CTBS: variants seen among roughly 807,000 people sequenced by gnomAD.
The protein encoded by CTBS is chitobiase.
Under a neutral mutation model 44.3 loss-of-function variants are expected in CTBS, and 35 were observed. The ratio of observed to expected loss-of-function variants is 0.79; its 90% CI spans 0.60 to 1.05. The LOEUF is 1.05. Ranked by LOEUF, CTBS falls within the 50% of genes least tolerant of loss-of-function variation. The pLI is 0.00. For missense variants in CTBS, 458 were observed against 475.3 expected (o/e 0.96, Z 0.34); for synonymous variants, 143 against 168.0 (o/e 0.85, Z 1.15).
chr1:84,562,048 A>T (rs529091054), intron 6 of CTBS, among the ~76,000 whole-genome samples: 221 of 152,294 alleles, frequency 1.5e-3, no homozygotes, highest in Non-Finnish European at 2.4e-3. Context: ...ATATCCATGA[A>T]ACAGTTTCTA....
intron 1 of CTBS, chr1:84,574,027 C>T: frequency 1.4e-6 from 2 of 1,411,320 alleles, no homozygotes; most frequent in South Asian, 1.6e-5. Context: ...TACGCAGGCA[C>T]TTACAGGCTG....
intron 4 of CTBS, among the ~76,000 whole-genome samples, chr1:84,564,728 C>G (rs1324985150): frequency 6.6e-6 from 1 of 152,062 alleles, no homozygotes; most frequent in Non-Finnish European, 1.5e-5. Context: ...GTAATTTTAA[C>G]AGAATAAGTT....
chr1:84,562,674 C>T (rs1684617111), intron 6 of CTBS, among the ~76,000 whole-genome samples: 1 of 152,116 alleles, frequency 6.6e-6, no homozygotes. Context: ...ATAGCAATTC[C>T]TATTAAACAC....
chr1:84,550,969 T>C lies in CTBS; in HGVS notation c.*4030A>G, dbSNP rs1428109010. 5 of 983,396 alleles carry C rather than the reference T, an allele frequency of 5.1e-6. No individual in the cohort carries two copies. Among genetic ancestry groups the C allele is most frequent in the African/African-American group, 1.7e-5 (1 of 57,174 alleles). The allele number at this position is 983,396 out of a possible 1,614,324, so 60.9% of individuals were successfully genotyped here. ...ATTTAAATATGAATAATGTGTCTTC[T>C]ACTAGATGTTAAGTTTCCTTCCTGG... On this transcript the variant is annotated 3_prime_UTR_variant, in exon 7 of 7. Coordinates refer to ENST00000370630, the MANE Select transcript of CTBS (RefSeq NM_004388.3).
rs1037185665 is a variant in CTBS at position 84,553,789 on chromosome 1, A to C, written c.*1210T>G. On this transcript the variant is annotated 3_prime_UTR_variant, in exon 7 of 7. Coordinates refer to ENST00000370630, the MANE Select transcript of CTBS (RefSeq NM_004388.3). ...TCCAATTTACAGGGGCAAAATGTGC[A>C]GGGAAGCCAGGATTTATGTAAATCT... 1 of 152,192 alleles carries C rather than the reference A, an allele frequency of 6.6e-6. No individual in the cohort carries two copies. Among genetic ancestry groups the C allele is most frequent in the Admixed American group, 6.5e-5 (1 of 15,272 alleles). The allele number at this position is 152,192 out of a possible 1,614,324, so 9.4% of individuals were successfully genotyped here.
intron 6 of CTBS, among the ~76,000 whole-genome samples, chr1:84,555,448 T>C (rs958457656): frequency 1.7e-4 from 26 of 152,254 alleles, no homozygotes; most frequent in Non-Finnish European, 1.5e-5. Flanking sequence ...ATTTTTAGAC[T>C]TTACGATGGA....
At position 84,551,367 on chromosome 1, in the gene CTBS, ATAAAAATAAATAAAATT is replaced by A. The variant is rs1432266219; in HGVS notation, c.*3615_*3631del. 57 of 756,986 alleles carry A rather than the reference ATAAAAATAAATAAAATT, an allele frequency of 7.5e-5. 1 individual carries two copies. In the Admixed American group the frequency reaches 3.5e-3, roughly 47 times the overall value. 46.9% of individuals were successfully genotyped at this position (756,986 alleles called of 1,614,324 possible). On this transcript the variant is annotated 3_prime_UTR_variant, in exon 7 of 7. Coordinates refer to ENST00000370630, the MANE Select transcript of CTBS (RefSeq NM_004388.3). ...GTACTGTCCTCGGTTTCAGATAAAA[ATAAAAATAAATAAAATT>A]TAAAAATAAAAAAATAGAATTAGCA...
In CTBS at chr1:84,552,879, C is replaced by G. The variant is rs1006102677; in HGVS notation, c.*2120G>C. 4 of 572,626 alleles carry G rather than the reference C, an allele frequency of 7.0e-6. No individual in the cohort carries two copies. The highest frequency in any genetic ancestry group is 1.2e-5 in the Non-Finnish European group (4 of 324,714). The allele number at this position is 572,626 out of a possible 1,614,324, so 35.5% of individuals were successfully genotyped here. ...TATTAAACAGCATTCATAATCTACA[C>G]ATTTACTGTAGTAATCCAGTGGGAG... is the stretch of plus-strand genomic sequence containing the variant. On this transcript the variant is annotated 3_prime_UTR_variant, in exon 7 of 7. Coordinates refer to ENST00000370630, the MANE Select transcript of CTBS (RefSeq NM_004388.3).
At chr1:84,559,572 A>C (rs1684548607) in intron 6 of CTBS, among the ~76,000 whole-genome samples, 1 of 151,942 alleles carries the variant, frequency 6.6e-6, no homozygotes, top group African/African-American at 2.4e-5. Context: ...CAGTGAACTG[A>C]GATTGTGCCA....
intron 6 of CTBS, among the ~76,000 whole-genome samples, chr1:84,559,707 AAT>A (rs1472448474): frequency 6.6e-6 from 1 of 152,196 alleles, no homozygotes; most frequent in Non-Finnish European, 1.5e-5. Flanking sequence ...AGAGGAAGAA[AAT>A]AGTTATAATT....
chr1:84,562,549 CAT>C (rs1461925444), intron 6 of CTBS, among the ~76,000 whole-genome samples: 1 of 152,102 alleles, frequency 6.6e-6, no homozygotes, highest in Non-Finnish European at 1.5e-5. Flanking sequence ...TTTAAAGTAA[CAT>C]AATCTGAAAT....
Position 84,553,234 on chromosome 1 carries a change from T to C in CTBS, c.*1765A>G, listed in dbSNP as rs1684330877. On this transcript the variant is annotated 3_prime_UTR_variant, in exon 7 of 7. Transcript: ENST00000370630. Reference sequence around the variant, plus strand: ...TGTTTTATAAAAAGCACAAGGTTTCTCTTTCTCCACTTTCCATGTGGGTAT... The same window carrying C: ...TGTTTTATAAAAAGCACAAGGTTTCCCTTTCTCCACTTTCCATGTGGGTAT... 2 of 633,798 alleles carry C rather than the reference T, an allele frequency of 3.2e-6. No individual in the cohort carries two copies. The highest frequency in any genetic ancestry group is 3.8e-5 in the Admixed American group (1 of 26,658). 39.3% of individuals were successfully genotyped at this position (633,798 alleles called of 1,614,324 possible).
chr1:84,565,391 G>T (rs1340832720), intron 4 of CTBS, among the ~76,000 whole-genome samples: 4 of 152,066 alleles, frequency 2.6e-5, no homozygotes. Context: ...AGAAGTTAAT[G>T]CCTATCCTAT....
intron 6 of CTBS, among the ~76,000 whole-genome samples, chr1:84,561,512 A>T (rs1684593580): frequency 6.6e-6 from 1 of 152,260 alleles, no homozygotes; most frequent in Admixed American, 6.5e-5. Context: ...ACTTATTAAT[A>T]AAGCAGCAGC....
chr1:84,556,663 G>T (rs1379524426), intron 6 of CTBS, among the ~76,000 whole-genome samples: 3 of 134,958 alleles, frequency 2.2e-5, no homozygotes, highest in African/African-American at 8.7e-5. Context: ...AGTAAGCTGA[G>T]ATCACGCCAC....
chr1:84,554,851 T>C lies in CTBS; in HGVS notation c.*148A>G, dbSNP rs1570462511. 3.1e-6 allele frequency: 2 copies of C among 649,904 alleles called. No homozygotes were observed. The highest frequency in any genetic ancestry group is 5.6e-5 in the East Asian group (2 of 35,604). 40.3% of individuals were successfully genotyped at this position (649,904 alleles called of 1,614,324 possible). ...ATACTGAGGACATTCGTGTGTATTT[T>C]TCAAATTCAAACAATCAAAACATTT... On this transcript the variant is annotated 3_prime_UTR_variant, in exon 7 of 7. Transcript: ENST00000370630.
Position 84,574,350 on chromosome 1 carries a change from TAGA to T in CTBS, c.63_65del (p.Leu22del), listed in dbSNP as rs771685426. 7.4e-7 allele frequency: 1 copy of T among 1,345,412 alleles called. No individual in the cohort carries two copies. Among genetic ancestry groups the T allele is most frequent in the African/African-American group, 1.5e-5 (1 of 67,144 alleles). 83.3% of individuals were successfully genotyped at this position (1,345,412 alleles called of 1,614,324 possible). On this transcript the variant is annotated inframe_deletion, in exon 1 of 7. Transcript: ENST00000370630. ...GCAGCGCCAGCAGCGCCAGCAGCGCTAGACCCGGGACGCCGCTCGGCGGGCTAG... is the reference window on the plus strand; with the variant it reads ...GCAGCGCCAGCAGCGCCAGCAGCGCTCCCGGGACGCCGCTCGGCGGGCTAG...
chr1:84,552,221 C>A lies in CTBS; in HGVS notation c.*2778G>T, dbSNP rs774783973. ...AAACCCAGCCTGAGTCTCTTGCAACCATATTTATTCAAGATAGTATAGCAT... is the reference window on the plus strand; with the variant it reads ...AAACCCAGCCTGAGTCTCTTGCAACAATATTTATTCAAGATAGTATAGCAT... On this transcript the variant is annotated 3_prime_UTR_variant, in exon 7 of 7. Coordinates refer to ENST00000370630, the MANE Select transcript of CTBS (RefSeq NM_004388.3). 3 of 152,066 alleles carry A rather than the reference C, an allele frequency of 2.0e-5. No homozygotes were observed. The highest frequency in any genetic ancestry group is 6.6e-5 in the Admixed American group (1 of 15,260). 9.4% of individuals were successfully genotyped at this position (152,066 alleles called of 1,614,324 possible).
intron 6 of CTBS, among the ~76,000 whole-genome samples, chr1:84,556,812 A>G (rs1369026952): frequency 1.3e-5 from 2 of 152,156 alleles, no homozygotes. Flanking sequence ...GTAATCAAGC[A>G]TATCTCAGTC....
Sources: allele counts gnomAD v4.1 joint callset (sites outside exome capture counted in the v4.1 genomes callset), GRCh38; gene constraint gnomAD v4.1.1; transcripts MANE v1.5; gene names NCBI Gene and HGNC (gene_info 2026-07-23, HGNC 2026-07-21).